AXDND1: variants seen among roughly 807,000 people sequenced by gnomAD.
AXDND1 encodes axonemal dynein light chain domain containing 1.
AXDND1 carries 110 observed loss-of-function variants against 137.5 expected under a neutral mutation model. The observed-to-expected ratio is 0.80, with a 90% CI of 0.69 to 0.94. AXDND1 has a LOEUF of 0.94. AXDND1 is among the 40% of genes least tolerant of loss of function. The probability of loss-of-function intolerance (pLI) is 0.00; values close to 1 mark genes in which losing one functional copy is unlikely to be tolerated. For missense variants in AXDND1, 1,191 were observed against 1,169.8 expected (o/e 1.02, Z -0.26); for synonymous variants, 414 against 399.7 (o/e 1.04, Z -0.43).
chr1:179,532,730 T>G (rs1671144709), intron 23 of AXDND1, among the ~76,000 whole-genome samples: 2 of 151,242 alleles, frequency 1.3e-5, no homozygotes, highest in African/African-American at 4.9e-5. Context: ...CTAAAAAAAT[T>G]AAAAACTGGC....
In AXDND1 at chr1:179,411,160, A is replaced by G. The variant is rs1177063777; in HGVS notation, c.1124A>G (p.Tyr375Cys). Residue 375 changes from tyrosine to cysteine, a missense_variant, in exon 12 of 26, where the codon TAT (tyrosine) becomes TGT (cysteine). Tyr to Cys is a radical substitution (Grantham distance 194). Coordinates refer to ENST00000367618, the MANE Select transcript of AXDND1 (RefSeq NM_144696.6). Reference protein sequence around the residue: ...AEKNAKIVEEYHDLYTLQRER... With the variant: ...AEKNAKIVEECHDLYTLQRER... ...TGTTTTTATAGAATAGTAGAAGAAT[A>G]TCATGACTTATATACATTACAAAGA... 1.9e-6 allele frequency: 3 copies of G among 1,582,942 alleles called. No homozygotes were observed. The highest frequency in any genetic ancestry group is 2.6e-6 in the Non-Finnish European group (3 of 1,165,350).
intron 2 of AXDND1, among the ~76,000 whole-genome samples, chr1:179,368,486 G>C (rs920717335): frequency 6.6e-6 from 1 of 152,080 alleles, no homozygotes; most frequent in Non-Finnish European, 1.5e-5. Flanking sequence ...TCTTCTTAAG[G>C]CTCTCCCAGT....
intron 25 of AXDND1, among the ~76,000 whole-genome samples, chr1:179,538,475 GT>G (rs776892321): frequency 3.9e-5 from 6 of 152,136 alleles, no homozygotes; most frequent in African/African-American, 1.4e-4. Context: ...GGAGCAGGTT[GT>G]TCAGTTTCCA....
chr1:179,372,559 T>G (rs947782867), intron 4 of AXDND1, among the ~76,000 whole-genome samples: 6 of 151,190 alleles, frequency 4.0e-5, no homozygotes, highest in African/African-American at 1.5e-4. Flanking sequence ...TATGTTATGA[T>G]TAAGAATCAA....
chr1:179,390,373 G>A (rs1288910521), intron 9 of AXDND1, among the ~76,000 whole-genome samples: 1 of 152,120 alleles, frequency 6.6e-6, no homozygotes, highest in South Asian at 2.1e-4. Flanking sequence ...TTTATCATCT[G>A]TGATCACTTC....
At chr1:179,472,685 G>A (rs59913185) in intron 17 of AXDND1, among the ~76,000 whole-genome samples, 16,351 of 151,920 alleles carry the variant, frequency 0.11, 1,005 homozygotes, top group African/African-American at 0.14. Context: ...TTGTTATTAG[G>A]TGCACACGTT....
chr1:179,523,996 A>G (rs893957316), intron 21 of AXDND1, among the ~76,000 whole-genome samples: 1 of 152,174 alleles, frequency 6.6e-6, no homozygotes, highest in East Asian at 1.9e-4. Flanking sequence ...TTTACTTAGA[A>G]TAACAGTCTC....
intron 4 of AXDND1, among the ~76,000 whole-genome samples, chr1:179,372,545 TTATTA>T (rs1668138070): frequency 6.6e-6 from 1 of 152,064 alleles, no homozygotes; most frequent in Admixed American, 6.6e-5. Context: ...TAAAATCCAG[TTATTA>T]TGTTATGATT....
At chr1:179,484,872 C>A (rs1341767972) in intron 18 of AXDND1, among the ~76,000 whole-genome samples, 1 of 152,232 alleles carries the variant, frequency 6.6e-6, no homozygotes, top group Non-Finnish European at 1.5e-5. Flanking sequence ...TCCTGCACTG[C>A]CATTGCCATT....
chr1:179,366,499 C>T lies in AXDND1; in HGVS notation c.-11C>T. On this transcript the variant is annotated 5_prime_UTR_variant, in exon 2 of 26. Transcript: ENST00000367618. ...TTCAAATTACTAAAGAGATAGGAGG[C>T]ATTGTTTATTATGTCTCTCCCGAAA... The T allele has an allele frequency of 1.3e-6, 2 of 1,593,298 alleles. No individual in the cohort carries two copies. Among genetic ancestry groups the T allele is most frequent in the South Asian group, 2.2e-5 (2 of 90,592 alleles).
chr1:179,378,848 A>G, intron 5 of AXDND1, 91 bp downstream of exon 5: 3 of 1,085,708 alleles, frequency 2.8e-6, no homozygotes, highest in Non-Finnish European at 3.6e-6. Flanking sequence ...TATAAAATAT[A>G]AAACAACGTC....
At chr1:179,488,396 C>G (rs1238028776) in intron 18 of AXDND1, among the ~76,000 whole-genome samples, 1 of 147,768 alleles carries the variant, frequency 6.8e-6, no homozygotes, top group African/African-American at 2.6e-5. Flanking sequence ...TTGAAAGGGA[C>G]AAATTAAGTA....
intron 12 of AXDND1, among the ~76,000 whole-genome samples, chr1:179,414,841 T>C (rs1201808941): frequency 1.3e-5 from 2 of 152,152 alleles, no homozygotes; most frequent in Non-Finnish European, 2.9e-5. Context: ...ATGAGAATAA[T>C]AAAACATTTT....
chr1:179,488,669 TTCTTTCTTTC>T (rs1558256904), intron 18 of AXDND1, among the ~76,000 whole-genome samples: 1 of 137,578 alleles, frequency 7.3e-6, no homozygotes, highest in Non-Finnish European at 1.5e-5. Flanking sequence ...CTTTCTTTCT[TTCTTTCTTTC>T]TTTCTTTCTT....
At chr1:179,500,407 A>T (rs1022028624) in intron 20 of AXDND1, among the ~76,000 whole-genome samples, 4 of 150,228 alleles carry the variant, frequency 2.7e-5, no homozygotes, top group African/African-American at 9.8e-5. Context: ...TTAAGTAGTT[A>T]TGAAACATGA....
At chr1:179,409,416 C>T (rs2125213391) in intron 11 of AXDND1, among the ~76,000 whole-genome samples, 1 of 152,194 alleles carries the variant, frequency 6.6e-6, no homozygotes, top group South Asian at 2.1e-4. Flanking sequence ...AACAATTTGA[C>T]TTCTATCTTT....
rs926128282 is a variant in AXDND1, at chr1:179,395,263, C to T, written c.1109+61C>T. ...GAAAAGGAAGAAGCTTATATAGCTT[C>T]TGAAATAATATATATGATACTATAA... is the stretch of plus-strand genomic sequence containing the variant. On this transcript the variant is annotated intron_variant, in intron 11 of 25. Transcript: ENST00000367618. The T allele has an allele frequency of 4.7e-6, 6 of 1,273,436 alleles. No individual in the cohort carries two copies. The African/African-American group carries it at 6.0e-5, about 13-fold the overall frequency. The allele number at this position is 1,273,436 out of a possible 1,614,324, so 78.9% of individuals were successfully genotyped here.
intron 17 of AXDND1, among the ~76,000 whole-genome samples, chr1:179,473,367 G>C (rs935933431): frequency 1.3e-5 from 2 of 151,914 alleles, no homozygotes; most frequent in African/African-American, 4.8e-5. Flanking sequence ...GTGTGGTGGT[G>C]GGTGCCTGTA....
intron 12 of AXDND1, among the ~76,000 whole-genome samples, chr1:179,418,752 C>G (rs964319413): frequency 6.6e-6 from 1 of 151,692 alleles, no homozygotes; most frequent in Non-Finnish European, 1.5e-5. Context: ...GGGTGGCTGC[C>G]GGGCGGAGAC....
Sources: allele counts gnomAD v4.1 joint callset (sites outside exome capture counted in the v4.1 genomes callset), GRCh38; gene constraint gnomAD v4.1.1; transcripts MANE v1.5; gene names NCBI Gene and HGNC (gene_info 2026-07-23, HGNC 2026-07-21).